The following SLA variants were observed in gnomAD, a reference collection of about 807,000 sequenced individuals.
SLA encodes the protein src-like-adapter.
In SLA, 16 loss-of-function variants were observed where a neutral mutation model predicts 30.3. The observed-to-expected ratio is 0.53, with a 90% CI of 0.36 to 0.80. SLA has a LOEUF of 0.80. Among genes scored for constraint, SLA ranks in the 30% least tolerant of loss-of-function variants. SLA has a pLI of 0.01. For missense variants in SLA, 310 were observed against 345.2 expected (o/e 0.90, Z 0.81); for synonymous variants, 143 against 137.8 (o/e 1.04, Z -0.26).
intron 4 of SLA, chr8:133,050,447 G>GT (rs1306539273): frequency 4.1e-6 from 1 of 244,176 alleles, no homozygotes; most frequent in Non-Finnish European, 8.0e-6. Flanking sequence ...GCAAATTTTT[G>GT]TTTTTTCTCA....
chr8:133,061,806 A>G (rs1271731121), intron 2 of SLA, among the ~76,000 whole-genome samples: 3 of 152,170 alleles, frequency 2.0e-5, no homozygotes, highest in African/African-American at 7.2e-5. Flanking sequence ...CAGGTTCTGG[A>G]AAGAAGTACA....
In SLA at chr8:133,038,380, G is replaced by A. The variant is rs1031180738; in HGVS notation, c.*144C>T. 14 of 671,838 alleles carry A rather than the reference G, an allele frequency of 2.1e-5. No individual in the cohort carries two copies. The highest frequency in any genetic ancestry group is 1.6e-4 in the African/African-American group (9 of 55,848). The allele number at this position is 671,838 out of a possible 1,614,324, so 41.6% of individuals were successfully genotyped here. A position where few individuals can be genotyped will look rare whatever the true frequency, so the allele number is the denominator to read the frequency against. Reference sequence around the variant, plus strand: ...GTCATGATGTGGATAGAGAAGATGCGAATTTGAGTCTCCATGTGGCTTCTC... The same window carrying A: ...GTCATGATGTGGATAGAGAAGATGCAAATTTGAGTCTCCATGTGGCTTCTC... On this transcript the variant is annotated 3_prime_UTR_variant, in exon 9 of 9. Transcript: ENST00000338087.
intron 1 of SLA, among the ~76,000 whole-genome samples, chr8:133,092,210 G>T (rs1171904218): frequency 6.6e-6 from 1 of 152,230 alleles, no homozygotes; most frequent in African/African-American, 2.4e-5. Context: ...GTGGTTGTGT[G>T]TGTGGATATG....
At chr8:133,094,911 G>GC in intron 1 of SLA, 1 of 1,182,094 alleles carries the variant, frequency 8.5e-7, no homozygotes, top group Non-Finnish European at 1.3e-6. Flanking sequence ...ATTGTGTGCA[G>GC]CCCCAGAATG....
rs1837482915 is a variant in SLA, at chr8:133,038,453, T to A, written c.*71A>T. On this transcript the variant is annotated 3_prime_UTR_variant, in exon 9 of 9. Transcript: ENST00000338087. The stretch of plus-strand genomic sequence containing the variant: ...CTCCCAGGGATCAGGGAACCTCGCT[T>A]TTCGCAAGATCCCAGGCAATAGTTG... 1 of 1,284,330 alleles carries A rather than the reference T, an allele frequency of 7.8e-7. No individual in the cohort carries two copies. The highest frequency in any genetic ancestry group is 1.5e-5 in the African/African-American group (1 of 68,210). The allele number at this position is 1,284,330 out of a possible 1,614,324, so 79.6% of individuals were successfully genotyped here.
At chr8:133,038,811 A>C (rs1208171296) in intron 8 of SLA, 74 bp from the exon 9 acceptor site, 1 of 944,166 alleles carries the variant, frequency 1.1e-6, no homozygotes, top group Non-Finnish European at 1.7e-6. Context: ...GATAAAGGGC[A>C]AGAGAATGAG....
chr8:133,101,712 C>A (rs904430475), intron 1 of SLA, among the ~76,000 whole-genome samples: 1 of 152,230 alleles, frequency 6.6e-6, no homozygotes, highest in African/African-American at 2.4e-5. Context: ...GAAGGGCTTG[C>A]AGTCAGATGA....
At chr8:133,076,353 A>G (rs1335152671) in intron 1 of SLA, among the ~76,000 whole-genome samples, 1 of 152,214 alleles carries the variant, frequency 6.6e-6, no homozygotes, top group African/African-American at 2.4e-5. Flanking sequence ...CACTTGGGGT[A>G]GTTTGCAAAG....
chr8:133,075,531 T>C (rs1844737913), intron 1 of SLA, among the ~76,000 whole-genome samples: 1 of 152,252 alleles, frequency 6.6e-6, no homozygotes, highest in Non-Finnish European at 1.5e-5. Flanking sequence ...TGTTCCAGTC[T>C]TAAGTTTCTT....
intron 1 of SLA, among the ~76,000 whole-genome samples, chr8:133,078,378 C>G (rs982636535): frequency 1.3e-5 from 2 of 152,166 alleles, no homozygotes; most frequent in African/African-American, 4.8e-5. Flanking sequence ...ACAACAGAGG[C>G]CCAGCCAGGG....
intron 2 of SLA, among the ~76,000 whole-genome samples, chr8:133,068,735 G>T (rs1337483374): frequency 6.6e-6 from 1 of 152,214 alleles, no homozygotes; most frequent in Non-Finnish European, 1.5e-5. Context: ...ACGGAGGCGG[G>T]CAGCAGAAGC....
rs1443786637 is a variant in SLA at position 133,067,874 on chromosome 8, G to A, written c.-41+6979C>T. Among the ~76,000 whole-genome samples the A allele has an allele frequency of 2.1e-4, 6 of 27,994 alleles. No individual in the cohort carries two copies. In the East Asian group the frequency reaches 4.9e-3, roughly 23 times the overall value. 18.4% of individuals were successfully genotyped at this position (27,994 alleles called of 152,430 possible). A position where few individuals can be genotyped will look rare whatever the true frequency, so the allele number is the denominator to read the frequency against. On this transcript the variant is annotated intron_variant, in intron 2 of 8. Coordinates refer to ENST00000338087, the MANE Select transcript of SLA (RefSeq NM_001045556.3). ...AGAGAGAAAGAAAGAAAGAAAGGAAGGAAGGAAGGAAGTATGTATGGAAGG... is the reference window on the plus strand; with the variant it reads ...AGAGAGAAAGAAAGAAAGAAAGGAAAGAAGGAAGGAAGTATGTATGGAAGG...
intron 2 of SLA, among the ~76,000 whole-genome samples, chr8:133,067,866 GAAA>G (rs1843271061): frequency 2.0e-5 from 1 of 49,332 alleles, no homozygotes; most frequent in Non-Finnish European, 3.7e-5. Flanking sequence ...AAGAAAGAAA[GAAA>G]GGAAGGAAGG....
chr8:133,055,343 C>T (rs1210601048), intron 3 of SLA, among the ~76,000 whole-genome samples: 2 of 147,868 alleles, frequency 1.4e-5, no homozygotes, highest in South Asian at 2.1e-4. Flanking sequence ...GTGTCATCTT[C>T]AGGACACACA....
At chr8:133,065,937 G>A (rs543736331) in intron 2 of SLA, among the ~76,000 whole-genome samples, 2 of 152,264 alleles carry the variant, frequency 1.3e-5, no homozygotes, top group Non-Finnish European at 2.9e-5. Flanking sequence ...TTTCCAGCGG[G>A]GATGAGGGGT....
chr8:133,094,946 G>A, intron 1 of SLA: 3 of 1,558,246 alleles, frequency 1.9e-6, no homozygotes, highest in South Asian at 1.1e-5. Context: ...CAAGCTTGGA[G>A]GAAGGATGCA....
chr8:133,069,987 C>T (rs539580203), intron 2 of SLA, among the ~76,000 whole-genome samples: 10 of 105,758 alleles, frequency 9.5e-5, no homozygotes, highest in African/African-American at 4.0e-4. Flanking sequence ...GGTGACAGAG[C>T]AAGGCTCCAG....
At chr8:133,067,183 G>T (rs1308709989) in intron 2 of SLA, among the ~76,000 whole-genome samples, 1 of 152,104 alleles carries the variant, frequency 6.6e-6, no homozygotes, top group Non-Finnish European at 1.5e-5. Flanking sequence ...CTTCACAGGT[G>T]CACCTCTCTG....
chr8:133,059,280 C>T (rs1764006592), intron 3 of SLA: 2 of 373,722 alleles, frequency 5.4e-6, no homozygotes, highest in Non-Finnish European at 1.1e-5. Context: ...GCTTCCCTAA[C>T]CGTCCCTTTC....
Sources: allele counts gnomAD v4.1 joint callset (sites outside exome capture counted in the v4.1 genomes callset), GRCh38; gene constraint gnomAD v4.1.1; transcripts MANE v1.5; gene names NCBI Gene and HGNC (gene_info 2026-07-23, HGNC 2026-07-21).